The following B3GAT1 variants were observed in gnomAD, a reference collection of about 807,000 sequenced individuals.
B3GAT1 encodes galactosylgalactosylxylosylprotein 3-beta-glucuronosyltransferase 1.
Under a neutral mutation model 28.4 loss-of-function variants are expected in B3GAT1, and 11 were observed. The ratio of observed to expected loss-of-function variants is 0.39; its 90% CI spans 0.24 to 0.64. B3GAT1 has a LOEUF of 0.64. B3GAT1 is among the 30% of genes least tolerant of loss of function. B3GAT1 has a pLI of 0.50. For missense variants in B3GAT1, 375 were observed against 491.0 expected, an observed-to-expected ratio of 0.76 and a Z score of 2.23; for synonymous variants, 255 against 223.1, an observed-to-expected ratio of 1.14 and a Z score of -1.27.
chr11:134,405,017 C>A (rs562217347), intron 1 of B3GAT1, among the ~76,000 whole-genome samples: 1 of 152,048 alleles, frequency 6.6e-6, no homozygotes, highest in Non-Finnish European at 1.5e-5. Context: ...GTGCCACGAG[C>A]GGCCGTCTCT....
In B3GAT1 at chr11:134,390,462, G is replaced by A. The variant is rs567114534; in HGVS notation, c.-281-2522C>T. On this transcript the variant is annotated intron_variant, in intron 1 of 5. Coordinates refer to ENST00000312527, the MANE Select transcript of B3GAT1 (RefSeq NM_054025.3). ...AGCTTTCTCAAGTGCTCCTGGTGTTGGTGCAGGTTCTAATACCAGGATGGA... is the reference window on the plus strand; with the variant it reads ...AGCTTTCTCAAGTGCTCCTGGTGTTAGTGCAGGTTCTAATACCAGGATGGA... The A allele has an allele frequency of 5.9e-5, 9 of 152,344 alleles. No individual in the cohort carries two copies. In the East Asian group the frequency reaches 1.7e-3, roughly 29 times the overall value. The allele number at this position is 152,344 out of a possible 1,614,324, so 9.4% of individuals were successfully genotyped here.
intron 1 of B3GAT1, among the ~76,000 whole-genome samples, chr11:134,404,890 G>C (rs1335238782): frequency 6.6e-6 from 1 of 152,214 alleles, no homozygotes; most frequent in South Asian, 2.1e-4. Context: ...CAGCTCGCCC[G>C]GAGGCTGTAC....
In B3GAT1 at chr11:134,387,756, G is replaced by C; in HGVS notation, c.-97C>G. The C allele has an allele frequency of 1.3e-6, 2 of 1,568,310 alleles. No homozygotes were observed. The highest frequency in any genetic ancestry group is 2.4e-5 in the East Asian group (1 of 42,300). On this transcript the variant is annotated 5_prime_UTR_variant, in exon 2 of 6. Transcript: ENST00000312527. Reference sequence around the variant, plus strand: ...GGCGGCGGCAGCACAGGGGAGAAAAGAACAGGCATGGGCCGGGCCGGCCAG... The same window carrying C: ...GGCGGCGGCAGCACAGGGGAGAAAACAACAGGCATGGGCCGGGCCGGCCAG...
chr11:134,402,845 G>A (rs1944646885), intron 1 of B3GAT1, among the ~76,000 whole-genome samples: 1 of 151,882 alleles, frequency 6.6e-6, no homozygotes, highest in African/African-American at 2.4e-5. Flanking sequence ...CCCGGGAGGT[G>A]GAGTTTGCAG....
rs1944874119 is a variant in B3GAT1, at chr11:134,412,130, G to GAGGGGGAGCGGGA, written c.-606_-605insTCCCGCTCCCCCT. On this transcript the variant is annotated 5_prime_UTR_variant, in exon 1 of 6. Coordinates refer to ENST00000312527, the MANE Select transcript of B3GAT1 (RefSeq NM_054025.3). ...AGGGGGAGCGGGGAGGGGGAGCGGG[G>GAGGGGGAGCGGGA]AGCGGGCGCGGGGGCGAGAGGGGCG... Among the ~76,000 whole-genome samples, 6 of 143,972 alleles carry GAGGGGGAGCGGGA rather than the reference G, an allele frequency of 4.2e-5. No homozygotes were observed. The highest frequency in any genetic ancestry group is 3.1e-5 in the Non-Finnish European group (2 of 64,852). 94.5% of individuals were successfully genotyped at this position (143,972 alleles called of 152,430 possible).
At chr11:134,387,475 C>T in intron 2 of B3GAT1, 73 bp downstream of exon 2, 8 of 1,583,124 alleles carry the variant, frequency 5.1e-6, no homozygotes, top group Non-Finnish European at 6.9e-6. Flanking sequence ...CAAGCAAGAA[C>T]CCTGCGTGTC....
chr11:134,404,886 G>A (rs142682058), intron 1 of B3GAT1, among the ~76,000 whole-genome samples: 1 of 152,216 alleles, frequency 6.6e-6, no homozygotes, highest in African/African-American at 2.4e-5. Flanking sequence ...AAAGCAGCTC[G>A]CCCGGAGGCT....
At chr11:134,404,027 A>ATATATATATATATT (rs1555098477) in intron 1 of B3GAT1, among the ~76,000 whole-genome samples, 2 of 106,760 alleles carry the variant, frequency 1.9e-5, no homozygotes, top group Non-Finnish European at 3.8e-5. Flanking sequence ...ATATATATAT[A>ATATATATATATATT]TATTTATTAT....
intron 1 of B3GAT1, among the ~76,000 whole-genome samples, chr11:134,394,670 A>G (rs1944471362): frequency 6.6e-6 from 1 of 152,216 alleles, no homozygotes; most frequent in Non-Finnish European, 1.5e-5. Flanking sequence ...TCTGCTTCCC[A>G]GCCTGGGTCA....
intron 1 of B3GAT1, among the ~76,000 whole-genome samples, chr11:134,403,031 CCG>C (rs1320231852): frequency 3.3e-5 from 5 of 152,126 alleles, no homozygotes; most frequent in Non-Finnish European, 7.4e-5. Flanking sequence ...TGCGATGATC[CCG>C]CGGTCCTCAG....
chr11:134,394,074 C>T (rs909709922), intron 1 of B3GAT1, among the ~76,000 whole-genome samples: 2 of 152,210 alleles, frequency 1.3e-5, no homozygotes, highest in African/African-American at 4.8e-5. Context: ...CCGGGCCCAC[C>T]ACAGCCCTGC....
intron 2 of B3GAT1, chr11:134,384,703 G>C (rs1322734820): frequency 6.5e-6 from 1 of 154,116 alleles, no homozygotes; most frequent in Non-Finnish European, 1.4e-5. Context: ...GCAGCTCCCG[G>C]AGTTCTCAAG....
Position 134,393,121 on chromosome 11 carries a change from A to G in B3GAT1, c.-281-5181T>C, listed in dbSNP as rs1343147764. On this transcript the variant is annotated intron_variant, in intron 1 of 5. Coordinates refer to ENST00000312527, the MANE Select transcript of B3GAT1 (RefSeq NM_054025.3). The surrounding 1 kb of genome is among the most constrained non-coding windows in gnomAD (Gnocchi z 4.0). Reference sequence around the variant, plus strand: ...TGGTAGGTTACAAACAAGCTCAGACACTGTCCGAGGTACTCATCCCTGGAG... The same window carrying G: ...TGGTAGGTTACAAACAAGCTCAGACGCTGTCCGAGGTACTCATCCCTGGAG... Among the ~76,000 whole-genome samples the G allele has an allele frequency of 6.6e-6, 1 of 152,170 alleles. No homozygotes were observed. The highest frequency in any genetic ancestry group is 1.5e-5 in the Non-Finnish European group (1 of 68,042).
intron 1 of B3GAT1, among the ~76,000 whole-genome samples, chr11:134,404,040 G>T (rs1295758901): frequency 3.8e-5 from 4 of 106,400 alleles, no homozygotes; most frequent in Admixed American, 1.1e-4. Flanking sequence ...TTTATTATAC[G>T]TTAAGTTCTA....
intron 1 of B3GAT1, chr11:134,390,226 A>C (rs1231644761): frequency 6.6e-6 from 1 of 152,264 alleles, no homozygotes; most frequent in East Asian, 1.9e-4. Context: ...AAGTGACTTC[A>C]TGCCACATCC....
intron 1 of B3GAT1, among the ~76,000 whole-genome samples, chr11:134,406,211 C>T (rs763441298): frequency 3.9e-5 from 6 of 152,236 alleles, no homozygotes; most frequent in Non-Finnish European, 5.9e-5. Flanking sequence ...TGAGCCCAGG[C>T]AGGGGCCTCT....
At chr11:134,403,385 C>T (rs76783641) in intron 1 of B3GAT1, among the ~76,000 whole-genome samples, 3,230 of 152,316 alleles carry the variant, frequency 0.021, 59 homozygotes, top group African/African-American at 0.054. Context: ...TGCTGAGTTG[C>T]TTGGCCCCCA....
chr11:134,406,561 C>G (rs969596379), intron 1 of B3GAT1, among the ~76,000 whole-genome samples: 10 of 151,782 alleles, frequency 6.6e-5, no homozygotes, highest in Non-Finnish European at 1.5e-5. Context: ...GGCGGCCTGG[C>G]AGAGTGGGCT....
chr11:134,407,668 G>A (rs1336377156), intron 1 of B3GAT1, among the ~76,000 whole-genome samples: 3 of 152,186 alleles, frequency 2.0e-5, no homozygotes, highest in Non-Finnish European at 1.5e-5. Flanking sequence ...GTGTGCGCAG[G>A]GAGCGCAGGC....
Sources: allele counts gnomAD v4.1 joint callset (sites outside exome capture counted in the v4.1 genomes callset), GRCh38; gene constraint gnomAD v4.1.1; non-coding constraint Gnocchi (gnomAD v3.1); transcripts MANE v1.5; gene names NCBI Gene and HGNC (gene_info 2026-07-23, HGNC 2026-07-21).